The following RPH3AL variants were observed in gnomAD, a reference collection of about 807,000 sequenced individuals.
RPH3AL encodes rabphilin 3A like (without C2 domains).
RPH3AL carries 38 observed loss-of-function variants against 43.1 expected under a neutral mutation model. That is an observed-to-expected ratio of 0.88 (90% CI 0.68 to 1.15). The LOEUF (loss-of-function observed/expected upper bound fraction) is 1.15, where lower values mean the gene tolerates loss of function less well. RPH3AL is among the 50% of genes most tolerant of loss of function. The pLI, the probability that RPH3AL is intolerant of heterozygous loss-of-function variation, is 0.00. For synonymous variants in RPH3AL, 189 were observed against 176.3 expected (o/e 1.07, Z -0.57); for missense variants, 462 against 423.2 (o/e 1.09, Z -0.81).
chr17:222,241 T>A (rs1163660004), intron 7 of RPH3AL, among the ~76,000 whole-genome samples: 1 of 152,246 alleles, frequency 6.6e-6, no homozygotes, highest in African/African-American at 2.4e-5. Context: ...ATTACCCCCA[T>A]TTCACAGGCA....
intron 1 of RPH3AL, chr17:338,627 C>T (rs2045023385): frequency 6.6e-6 from 1 of 152,244 alleles, no homozygotes; most frequent in Non-Finnish European, 1.5e-5. Context: ...CTGCCGGGCA[C>T]CTGGCTTGGG....
chr17:304,994 CGAGAG>C, intron 5 of RPH3AL, among the ~76,000 whole-genome samples: 4 of 26,984 alleles, frequency 1.5e-4, no homozygotes, highest in Non-Finnish European at 2.8e-4. Flanking sequence ...GGGGACAGGG[CGAGAG>C]GGGACAGGGC....
At chr17:310,307 C>T (rs1436522357) in intron 5 of RPH3AL, among the ~76,000 whole-genome samples, 1 of 152,184 alleles carries the variant, frequency 6.6e-6, no homozygotes, top group African/African-American at 2.4e-5. Flanking sequence ...GGACGCAGCT[C>T]CGAGGACCGG....
intron 3 of RPH3AL, among the ~76,000 whole-genome samples, chr17:327,073 C>T (rs2044637706): frequency 6.6e-6 from 1 of 152,200 alleles, no homozygotes; most frequent in African/African-American, 2.4e-5. Flanking sequence ...TCAAAATCTC[C>T]CTGTCTTAAG....
chr17:328,317 G>T lies in RPH3AL; in HGVS notation c.-36-738C>A, dbSNP rs1021196957. Among the ~76,000 whole-genome samples, 1 of 151,624 alleles carries T rather than the reference G, an allele frequency of 6.6e-6. No individual in the cohort carries two copies. Among genetic ancestry groups the T allele is most frequent in the African/African-American group, 2.4e-5 (1 of 41,216 alleles). On this transcript the variant is annotated intron_variant, in intron 2 of 9. Transcript: ENST00000331302. The surrounding 1 kb of genome is among the most constrained non-coding windows in gnomAD (Gnocchi z 4.2). ...CTTTGGTGGTCTGAGGATGCCACGCGTGCATTCTGAAGGGAGTGTGGGATG... is the reference window on the plus strand; with the variant it reads ...CTTTGGTGGTCTGAGGATGCCACGCTTGCATTCTGAAGGGAGTGTGGGATG...
chr17:319,668 G>GC, intron 4 of RPH3AL, 119 bp from the exon 5 acceptor site: 1 of 1,226,514 alleles, frequency 8.2e-7, no homozygotes, highest in Non-Finnish European at 1.1e-6. Context: ...ATTGTTCCTT[G>GC]CCCCGCCCTT....
intron 7 of RPH3AL, among the ~76,000 whole-genome samples, chr17:224,593 G>C (rs35698541): frequency 0.096 from 14,588 of 152,212 alleles, 934 homozygotes; most frequent in Non-Finnish European, 0.14. Context: ...TTGAGGGCAG[G>C]GACCAAATTG....
At chr17:242,336 A>C (rs2041567079) in intron 7 of RPH3AL, among the ~76,000 whole-genome samples, 1 of 88,132 alleles carries the variant, frequency 1.1e-5, no homozygotes, top group Admixed American at 1.1e-4. Flanking sequence ...TCTATTGACT[A>C]CCTTCCTCTA....
intron 5 of RPH3AL, among the ~76,000 whole-genome samples, chr17:294,512 A>G (rs2043123109): frequency 6.6e-6 from 1 of 152,248 alleles, no homozygotes; most frequent in Non-Finnish European, 1.5e-5. Flanking sequence ...GGACTGAAGA[A>G]CACCTGTGCA....
rs1186657815 is a variant in RPH3AL, at chr17:322,477, T to A, written c.78-1062A>T. On this transcript the variant is annotated intron_variant, in intron 3 of 9. Transcript: ENST00000331302. This position sits in a 1 kb window ranked among gnomAD's most constrained non-coding sequence, Gnocchi z 4.0. ...AACTAACAGGTCTAAGGCGTTTTCA[T>A]TCTACGCATTACCAAGTACCCGCTG... 6.6e-6 allele frequency: 1 copy of A among 152,232 alleles called. No homozygotes were observed. Among genetic ancestry groups the A allele is most frequent in the East Asian group, 1.9e-4 (1 of 5,182 alleles). 9.4% of individuals were successfully genotyped at this position (152,232 alleles called of 1,614,324 possible).
chr17:222,026 C>T (rs202198136), intron 7 of RPH3AL, among the ~76,000 whole-genome samples: 1 of 104,862 alleles, frequency 9.5e-6, no homozygotes, highest in Non-Finnish European at 2.2e-5. Flanking sequence ...TAGACCCAAG[C>T]ACAACAGCTC....
At chr17:234,820 G>T (rs2041324657) in intron 7 of RPH3AL, among the ~76,000 whole-genome samples, 1 of 152,220 alleles carries the variant, frequency 6.6e-6, no homozygotes, top group South Asian at 2.1e-4. Flanking sequence ...GTGAGGAGAA[G>T]GAGGCTGAGC....
chr17:213,714 CA>C lies in RPH3AL; in HGVS notation c.*137del, dbSNP rs1357278704. The C allele has an allele frequency of 2.5e-5, 18 of 720,722 alleles. No homozygotes were observed. Among genetic ancestry groups the C allele is most frequent in the Non-Finnish European group, 3.7e-5 (15 of 408,090 alleles). The allele number at this position is 720,722 out of a possible 1,614,324, so 44.6% of individuals were successfully genotyped here. A position where few individuals can be genotyped will look rare whatever the true frequency, so the allele number is the denominator to read the frequency against. On this transcript the variant is annotated 3_prime_UTR_variant, in exon 10 of 10. Coordinates refer to ENST00000331302, the MANE Select transcript of RPH3AL (RefSeq NM_006987.4). ...GCAGAAAGGCACTGAGCTGGGGAGG[CA>C]GACGGCTCCCAACACTGGTTTGTTG...
chr17:227,140 G>A (rs1044012601), intron 7 of RPH3AL, among the ~76,000 whole-genome samples: 1 of 152,202 alleles, frequency 6.6e-6, no homozygotes, highest in Admixed American at 6.5e-5. Flanking sequence ...TGGCATCCCT[G>A]AGGCTTCCCC....
At chr17:347,129 G>A (rs1339339149) in intron 1 of RPH3AL, among the ~76,000 whole-genome samples, 1 of 134,536 alleles carries the variant, frequency 7.4e-6, no homozygotes, top group Non-Finnish European at 1.7e-5. Context: ...ATGGTGGCAG[G>A]CACCTGTAGT....
At position 222,960 on chromosome 17, in the gene RPH3AL, C is replaced by T. The variant is rs530773531; in HGVS notation, c.614-3224G>A. 1.5e-3 allele frequency among the ~76,000 whole-genome samples: 231 copies of T among 152,236 alleles called. 1 individual carries two copies. The highest frequency in any genetic ancestry group is 5.3e-3 in the African/African-American group (222 of 41,528). ...ATCCCAGCACTTTGGGAGGGCAAGG[C>T]GGGTGGATCACTTGAGGTCAGGAGC... On this transcript the variant is annotated intron_variant, in intron 7 of 9. Transcript: ENST00000331302.
intron 6 of RPH3AL, 101 bp downstream of exon 6, chr17:281,667 C>CCCCCCCCCCCCCCCCCCCCACCCCT: frequency 1.8e-6 from 1 of 553,344 alleles, no homozygotes; most frequent in African/African-American, 1.8e-5. Flanking sequence ...GTATCCAGCC[C>CCCCCCCCCCCCCCCCCCCCACCCCT]GCCCAGCCCT....
chr17:232,509 G>C (rs1273319969), intron 7 of RPH3AL, among the ~76,000 whole-genome samples: 1 of 152,192 alleles, frequency 6.6e-6, no homozygotes, highest in Non-Finnish European at 1.5e-5. Flanking sequence ...AGCTGCCTGA[G>C]AAGACCAAGG....
chr17:296,612 C>T (rs542618342), intron 5 of RPH3AL, among the ~76,000 whole-genome samples: 12 of 152,210 alleles, frequency 7.9e-5, no homozygotes, highest in African/African-American at 2.4e-4. Context: ...CTCGTTTCCG[C>T]CGATGGCTCG....
Sources: allele counts gnomAD v4.1 joint callset (sites outside exome capture counted in the v4.1 genomes callset), GRCh38; gene constraint gnomAD v4.1.1; non-coding constraint Gnocchi (gnomAD v3.1); transcripts MANE v1.5; gene names NCBI Gene and HGNC (gene_info 2026-07-23, HGNC 2026-07-21).